PSG1: variants seen among roughly 807,000 people sequenced by gnomAD.
The protein encoded by PSG1 is pregnancy-specific beta-1-glycoprotein 1.
PSG1 carries 60 observed loss-of-function variants against 41.4 expected under a neutral mutation model. The ratio of observed to expected loss-of-function variants is 1.45; its 90% confidence interval spans 1.18 to 1.80. The LOEUF (loss-of-function observed/expected upper bound fraction) is 1.80. Ranked by LOEUF, PSG1 falls within the 40% of genes most tolerant of loss-of-function variation. The pLI, the probability that PSG1 is intolerant of heterozygous loss-of-function variation, is 0.00. For missense variants in PSG1, 806 were observed against 516.9 expected (o/e 1.56, Z -5.42); for synonymous variants, 256 against 192.9 (o/e 1.33, Z -2.71).
At chr19:42,878,338 G>A (rs569215680) in intron 1 of PSG1, 60 bp from the exon 2 acceptor site, 6 of 1,545,946 alleles carry the variant, frequency 3.9e-6, no homozygotes, top group Non-Finnish European at 5.2e-6. Flanking sequence ...TGAAAACATG[G>A]GGCCCTGGGT....
intron 5 of PSG1, chr19:42,867,354 A>G: frequency 1.6e-6 from 1 of 607,874 alleles, no homozygotes; most frequent in East Asian, 2.8e-5. Flanking sequence ...AAGTGCAGCA[A>G]GAGTAGCAAT....
In PSG1 at chr19:42,868,806, C is replaced by T. The variant is rs758393142; in HGVS notation, c.938G>A (p.Arg313Gln). 7.0e-5 allele frequency: 113 copies of T among 1,611,928 alleles called. 2 individuals carry two copies. Among genetic ancestry groups the T allele is most frequent in the Admixed American group, 6.0e-4 (36 of 59,866 alleles). Residue 313 changes from arginine to glutamine, a missense_variant, in exon 4 of 6, where the codon CGG becomes CAG. Physicochemically the swap from Arg to Gln is conservative, Grantham distance 43 (BLOSUM62 1). Coordinates refer to ENST00000436291, the MANE Select transcript of PSG1 (RefSeq NM_001184825.2). ...ACTGCGGATGCCACCATATCGGTCC[C>T]GTATTTCACATTGATAGGGTCCTGT... Reference protein sequence around the residue: ...NETGPYQCEIRDRYGGIRSDP... With the variant: ...NETGPYQCEIQDRYGGIRSDP...
chr19:42,872,435 T>C (rs1971433279), intron 2 of PSG1, among the ~76,000 whole-genome samples: 1 of 151,664 alleles, frequency 6.6e-6, no homozygotes, highest in South Asian at 2.1e-4. Flanking sequence ...CTTTGCCCAC[T>C]GAGGTATGTT....
At chr19:42,870,296 G>A (rs1349355412) in intron 3 of PSG1, 1 of 151,782 alleles carries the variant, frequency 6.6e-6, no homozygotes, top group Non-Finnish European at 1.5e-5. Flanking sequence ...TCCCAAATCT[G>A]AAAGATTCAA....
intron 2 of PSG1, among the ~76,000 whole-genome samples, chr19:42,876,257 G>T (rs1445621921): frequency 6.6e-6 from 1 of 151,498 alleles, no homozygotes; most frequent in African/African-American, 2.4e-5. Context: ...GCAGTGAGCA[G>T]TGAGGGAGAC....
At chr19:42,876,711 A>G in intron 2 of PSG1, 1 of 172,126 alleles carries the variant, frequency 5.8e-6, no homozygotes, top group East Asian at 1.7e-4. Context: ...TCTGAGGAGG[A>G]GGCCTGGACA....
chr19:42,874,216 T>C, intron 2 of PSG1: 1 of 151,922 alleles, frequency 6.6e-6, no homozygotes, highest in Non-Finnish European at 1.5e-5. Context: ...TTCCACTTTT[T>C]TTCCCCACTC....
rs761115638 is a variant in PSG1, at chr19:42,868,913, A to G, written c.831T>C (p.Gly277=). The part of the protein sequence containing the change: ...ENYTYIWWLN[G]QSLPVSPRVK... ...CCCTGGGACTGACCGGGAGGCTCTG[A>G]CCATTTAGCCACCAAATGTAGGTGT... The change falls in exon 4 of 6, where the codon GGT becomes GGC. Residue 277 remains glycine, a synonymous_variant. Transcript: ENST00000436291. 6.8e-6 allele frequency: 11 copies of G among 1,610,424 alleles called. 1 individual carries two copies. Among genetic ancestry groups the G allele is most frequent in the East Asian group, 2.2e-5 (1 of 44,810 alleles).
At chr19:42,874,002 G>GC (rs1971500865) in intron 2 of PSG1, 1 of 151,460 alleles carries the variant, frequency 6.6e-6, no homozygotes, top group African/African-American at 2.4e-5. Flanking sequence ...TTATGAAAAT[G>GC]ACATCATCAT....
In PSG1 at chr19:42,870,633, C is replaced by G. The variant is rs1174163924; in HGVS notation, c.709+1134G>C. 1.3e-5 allele frequency: 2 copies of G among 151,538 alleles called. 1 individual carries two copies. The highest frequency in any genetic ancestry group is 3.9e-4 in the East Asian group (2 of 5,156). 9.4% of individuals were successfully genotyped at this position (151,538 alleles called of 1,614,324 possible). A position where few individuals can be genotyped will look rare whatever the true frequency, so the allele number is the denominator to read the frequency against. ...TTTAGGACAGTGTTTTCTAATTCTG[C>G]AAAAAATGTTACTGTGATTCTGGTA... On this transcript the variant is annotated intron_variant, in intron 3 of 5. Transcript: ENST00000436291.
chr19:42,867,291 G>A, intron 5 of PSG1, 141 bp from the exon 6 acceptor site: 1 of 672,486 alleles, frequency 1.5e-6, no homozygotes, highest in Non-Finnish European at 2.7e-6. Context: ...AGTAGAATAA[G>A]TTTGTTTGCA....
chr19:42,872,077 T>G (rs754530881), intron 2 of PSG1, 32 bp from the exon 3 acceptor site: 1 of 1,592,130 alleles, frequency 6.3e-7, no homozygotes, highest in Non-Finnish European at 8.6e-7. Flanking sequence ...GATTGCCGTG[T>G]GTGGCGCCTT....
rs1971153375 is a variant in PSG1, at chr19:42,866,743, T to G, written c.*391A>C. The stretch of plus-strand genomic sequence containing the variant: ...AAAAGTTTGAGGTTGAGATGACATA[T>G]CTGACACTCTGTTGTTACTCTCAGA... On this transcript the variant is annotated 3_prime_UTR_variant, in exon 6 of 6. Coordinates refer to ENST00000436291, the MANE Select transcript of PSG1 (RefSeq NM_001184825.2). 4 of 467,004 alleles carry G rather than the reference T, an allele frequency of 8.6e-6. No homozygotes were observed. The highest frequency in any genetic ancestry group is 1.6e-5 in the Non-Finnish European group (4 of 256,694). The allele number at this position is 467,004 out of a possible 1,614,324, so 28.9% of individuals were successfully genotyped here.
chr19:42,866,731 T>G lies in PSG1; in HGVS notation c.*403A>C, dbSNP rs1217197677. 5 of 432,148 alleles carry G rather than the reference T, an allele frequency of 1.2e-5. No individual in the cohort carries two copies. The East Asian group carries it at 2.0e-4, about 18-fold the overall frequency. 26.8% of individuals were successfully genotyped at this position (432,148 alleles called of 1,614,324 possible). On this transcript the variant is annotated 3_prime_UTR_variant, in exon 6 of 6. Transcript: ENST00000436291. ...GAGATGTTATGTAAAAGTTTGAGGT[T>G]GAGATGACATATCTGACACTCTGTT...
rs1971149406 is a variant in PSG1 at position 42,866,601 on chromosome 19, CG to C, written c.*532del. The stretch of plus-strand genomic sequence containing the variant: ...CTCTATTATAATTTCAGCTTTCCTA[CG>C]TCTTCATACAAACCATCTTCTCTGC... On this transcript the variant is annotated 3_prime_UTR_variant, in exon 6 of 6. Transcript: ENST00000436291. 9.5e-6 allele frequency: 2 copies of C among 209,824 alleles called. No individual in the cohort carries two copies. Among genetic ancestry groups the C allele is most frequent in the South Asian group, 1.0e-4 (1 of 9,760 alleles). The allele number at this position is 209,824 out of a possible 1,614,324, so 13.0% of individuals were successfully genotyped here.
intron 1 of PSG1, among the ~76,000 whole-genome samples, chr19:42,879,219 C>G (rs1363010641): frequency 6.8e-6 from 1 of 147,016 alleles, no homozygotes; most frequent in Admixed American, 6.9e-5. Flanking sequence ...GTGGTGCTAT[C>G]TCAGCTATCT....
At chr19:42,869,329 C>T (rs1411470575) in intron 3 of PSG1, 3 of 567,934 alleles carry the variant, frequency 5.3e-6, no homozygotes, top group Non-Finnish European at 8.5e-6. Context: ...CTTCCCAGGC[C>T]CTCCCTAATC....
chr19:42,869,416 T>A (rs1162725646), intron 3 of PSG1: 12 of 306,778 alleles, frequency 3.9e-5, no homozygotes, highest in African/African-American at 1.7e-4. Context: ...TCCATCCTAC[T>A]TTGTCCCCCT....
rs1199510135 is a variant in PSG1 at position 42,868,181 on chromosome 19, T to G, written c.1163A>C (p.His388Pro). The part of the protein sequence containing the change: ...KLFIRHITTK[H>P]SGLYVCSVRN... ...AACAGAGCAAACATAGAGCCCGCTATGCTTTGTAGTAATATGGCGGATAAA... is the reference window on the plus strand; with the variant it reads ...AACAGAGCAAACATAGAGCCCGCTAGGCTTTGTAGTAATATGGCGGATAAA... The change falls in exon 5 of 6, where the codon CAT becomes CCT. Residue 388 changes from histidine to proline, a missense_variant. By Grantham distance (77) the His-to-Pro change is moderately conservative. Coordinates refer to ENST00000436291, the MANE Select transcript of PSG1 (RefSeq NM_001184825.2). 3 of 1,612,416 alleles carry G rather than the reference T, an allele frequency of 1.9e-6. No individual in the cohort carries two copies. The highest frequency in any genetic ancestry group is 1.7e-4 in the Middle Eastern group (1 of 6,054).
Sources: allele counts gnomAD v4.1 joint callset (sites outside exome capture counted in the v4.1 genomes callset), GRCh38; gene constraint gnomAD v4.1.1; transcripts MANE v1.5; gene names NCBI Gene and HGNC (gene_info 2026-07-23, HGNC 2026-07-21).